Variants in THADA observed in about 807,000 individuals in gnomAD.
THADA encodes tRNA (32-2'-O)-methyltransferase regulator THADA.
A neutral mutation model predicts 219.8 loss-of-function variants in THADA; 213 were observed. That is an observed-to-expected ratio of 0.97 (90% confidence interval 0.87 to 1.09). The LOEUF (loss-of-function observed/expected upper bound fraction) is 1.09. Ranked by LOEUF, THADA falls within the 50% of genes least tolerant of loss-of-function variation. The probability of loss-of-function intolerance (pLI) is 0.00; values close to 1 mark genes in which losing one functional copy is unlikely to be tolerated. For missense variants in THADA, 2,956 were observed against 2,311.3 expected (o/e 1.28, Z -5.72); for synonymous variants, 1,018 against 828.9 (o/e 1.23, Z -3.92).
intron 36 of THADA, among the ~76,000 whole-genome samples, chr2:43,237,268 C>G (rs952120009): frequency 3.9e-5 from 6 of 151,992 alleles, no homozygotes; most frequent in Non-Finnish European, 2.9e-5. Flanking sequence ...TCTTTTCAAC[C>G]AGTAATCCTG....
intron 25 of THADA, among the ~76,000 whole-genome samples, chr2:43,497,007 G>GA (rs1253332858): frequency 2.0e-5 from 3 of 152,182 alleles, no homozygotes; most frequent in Non-Finnish European, 2.9e-5. Flanking sequence ...ACGCCAGTCA[G>GA]AATGGTGATT....
rs17031024 is a variant in THADA at position 43,552,020 on chromosome 2, T to C, written c.2811-95A>G. ...AAAGGATTGACTTTGTGTTTCAAAATTGTTCAATACATAAAACATGTGAGA... is the reference window on the plus strand; with the variant it reads ...AAAGGATTGACTTTGTGTTTCAAAACTGTTCAATACATAAAACATGTGAGA... On this transcript the variant is annotated intron_variant, in intron 18 of 37. Transcript: ENST00000405975. The C allele has an allele frequency of 5.5e-3, 8,649 of 1,560,950 alleles. 390 individuals are homozygous for C. The African/African-American group carries it at 0.1, about 18-fold the overall frequency.
chr2:43,561,691 C>T (rs1053549647), intron 15 of THADA, among the ~76,000 whole-genome samples: 1 of 152,186 alleles, frequency 6.6e-6, no homozygotes, highest in Non-Finnish European at 1.5e-5. Flanking sequence ...ACTTCCTTAA[C>T]AACTCTGCTC....
intron 36 of THADA, among the ~76,000 whole-genome samples, chr2:43,239,366 C>A (rs1349547395): frequency 1.3e-5 from 2 of 152,198 alleles, no homozygotes; most frequent in African/African-American, 2.4e-5. Flanking sequence ...CACCCCCATC[C>A]CCCGCCCCCC....
At chr2:43,289,977 T>TTTTTG (rs1674500560) in intron 34 of THADA, among the ~76,000 whole-genome samples, 3 of 2,636 alleles carry the variant, frequency 1.1e-3, no homozygotes, top group South Asian at 0.042. Context: ...TTTGTTTTTG[T>TTTTTG]TTTTTTTTTT....
chr2:43,326,690 G>C (rs1679376525), intron 30 of THADA, among the ~76,000 whole-genome samples: 1 of 152,138 alleles, frequency 6.6e-6, no homozygotes. Context: ...GCCCGAAACA[G>C]AAGTAGTCTT....
intron 28 of THADA, among the ~76,000 whole-genome samples, chr2:43,412,430 C>T (rs1253152533): frequency 6.6e-6 from 1 of 152,122 alleles, no homozygotes; most frequent in Non-Finnish European, 1.5e-5. Flanking sequence ...AGAAATTAAA[C>T]AATCTGGATC....
chr2:43,361,432 T>A (rs1245838483), intron 29 of THADA, among the ~76,000 whole-genome samples: 1 of 152,230 alleles, frequency 6.6e-6, no homozygotes, highest in Non-Finnish European at 1.5e-5. Flanking sequence ...GTTTCAATTC[T>A]GTGGTGCAAC....
intron 36 of THADA, among the ~76,000 whole-genome samples, chr2:43,278,024 C>G (rs1356556939): frequency 1.3e-5 from 2 of 149,690 alleles, no homozygotes; most frequent in Non-Finnish European, 2.9e-5. Flanking sequence ...TATCTCAGCT[C>G]ACTGCGACCT....
At chr2:43,274,642 G>C (rs1044525182) in intron 36 of THADA, among the ~76,000 whole-genome samples, 1 of 152,142 alleles carries the variant, frequency 6.6e-6, no homozygotes, top group Admixed American at 6.5e-5. Flanking sequence ...CTGTCGAGAA[G>C]ATGGGATTTA....
intron 35 of THADA, among the ~76,000 whole-genome samples, chr2:43,284,261 C>T (rs756528203): frequency 6.6e-6 from 1 of 152,186 alleles, no homozygotes; most frequent in Non-Finnish European, 1.5e-5. Context: ...TTCACAGCAG[C>T]CCCTCCCACC....
At chr2:43,501,306 C>CAAAAAAAAAAAAAAAAAAAAAAAA (rs1558864377) in intron 24 of THADA, among the ~76,000 whole-genome samples, 1 of 12,280 alleles carries the variant, frequency 8.1e-5, no homozygotes, top group African/African-American at 2.7e-4. Flanking sequence ...AACTCCAACT[C>CAAAAAAAAAAAAAAAAAAAAAAAA]CAAAAAAAAA....
intron 26 of THADA, among the ~76,000 whole-genome samples, chr2:43,461,119 T>C (rs1362148690): frequency 1.3e-5 from 2 of 152,174 alleles, no homozygotes; most frequent in Admixed American, 1.3e-4. Context: ...AGCTAATGAA[T>C]TTGAACCTTA....
intron 26 of THADA, among the ~76,000 whole-genome samples, chr2:43,456,660 T>C (rs1337708416): frequency 6.6e-6 from 1 of 152,150 alleles, no homozygotes; most frequent in Non-Finnish European, 1.5e-5. Context: ...AGAAATGAGA[T>C]AATGCATCAA....
intron 30 of THADA, among the ~76,000 whole-genome samples, chr2:43,332,693 C>A (rs992550765): frequency 6.6e-6 from 1 of 152,214 alleles, no homozygotes; most frequent in Admixed American, 6.5e-5. Flanking sequence ...AAAGCCTGCA[C>A]TCCCTTGCAA....
intron 26 of THADA, among the ~76,000 whole-genome samples, chr2:43,474,579 A>C (rs747842181): frequency 2.0e-5 from 3 of 152,192 alleles, no homozygotes; most frequent in Non-Finnish European, 4.4e-5. Context: ...AAGAAAAAAA[A>C]TGTTGAATCA....
At chr2:43,571,188 T>G (rs1368358033) in intron 13 of THADA, among the ~76,000 whole-genome samples, 1 of 151,148 alleles carries the variant, frequency 6.6e-6, no homozygotes, top group East Asian at 1.9e-4. Flanking sequence ...CCTGGGAGGT[T>G]GAGGGTACAG....
At chr2:43,396,230 G>A (rs539864974) in intron 29 of THADA, among the ~76,000 whole-genome samples, 9 of 152,318 alleles carry the variant, frequency 5.9e-5, no homozygotes, top group African/African-American at 2.2e-4. Context: ...GAGCCTTTAT[G>A]TTGCTCTCTT....
intron 36 of THADA, among the ~76,000 whole-genome samples, chr2:43,273,563 T>G (rs566512407): frequency 2.0e-5 from 3 of 152,138 alleles, no homozygotes; most frequent in African/African-American, 7.2e-5. Flanking sequence ...CAGTCAGTAC[T>G]TGCAGAGCCC....
Sources: allele counts gnomAD v4.1 joint callset (sites outside exome capture counted in the v4.1 genomes callset), GRCh38; gene constraint gnomAD v4.1.1; transcripts MANE v1.5; gene names NCBI Gene and HGNC (gene_info 2026-07-23, HGNC 2026-07-21).